The following RTEL1 variants were observed in gnomAD, a reference collection of about 807,000 sequenced individuals.
RTEL1 encodes the protein regulator of telomere elongation helicase 1, also known as regulator of telomere length.
A neutral mutation model predicts 162.2 loss-of-function variants in RTEL1; 86 were observed. The ratio of observed to expected loss-of-function variants is 0.53; its 90% CI spans 0.45 to 0.63. The LOEUF (loss-of-function observed/expected upper bound fraction) is 0.63. Ranked by LOEUF, RTEL1 falls within the 30% of genes least tolerant of loss-of-function variation. RTEL1 has a pLI of 0.00. For synonymous variants in RTEL1, 958 were observed against 717.9 expected, an observed-to-expected ratio of 1.33 and a Z score of -5.35; for missense variants, 1,941 against 1,750.2, an observed-to-expected ratio of 1.11 and a Z score of -1.95.
chr20:63,691,336 C>A (rs1443440159), intron 27 of RTEL1, among the ~76,000 whole-genome samples: 1 of 152,148 alleles, frequency 6.6e-6, no homozygotes, highest in Non-Finnish European at 1.5e-5. Context: ...GCCTTTTGCC[C>A]CAGAAGCCCA....
At chr20:63,693,534 A>ACCACCTCCACCTCCACCT in intron 30 of RTEL1, among the ~76,000 whole-genome samples, 1 of 10,160 alleles carries the variant, frequency 9.8e-5, no homozygotes, top group Non-Finnish European at 1.9e-4. Context: ...CACCTCCACC[A>ACCACCTCCACCTCCACCT]CCACCACCAC....
intron 30 of RTEL1, 53 bp from the exon 31 acceptor site, chr20:63,694,319 G>A: frequency 1.0e-6 from 1 of 966,170 alleles, no homozygotes; most frequent in Non-Finnish European, 1.6e-6. Context: ...CCCACCCCAG[G>A]GAACTTTCCA....
At chr20:63,685,630 C>T in intron 15 of RTEL1, 33 bp downstream of exon 15, 3 of 1,600,364 alleles carry the variant, frequency 1.9e-6, no homozygotes, top group Non-Finnish European at 1.7e-6. Flanking sequence ...AGGTGGAGGG[C>T]AGCCCTTGTT....
chr20:63,660,366 A>G (rs1257836590), intron 2 of RTEL1, among the ~76,000 whole-genome samples: 1 of 152,260 alleles, frequency 6.6e-6, no homozygotes, highest in Non-Finnish European at 1.5e-5. Flanking sequence ...TTTCCAGGGC[A>G]GAGGTCCCTG....
In RTEL1 at chr20:63,694,431, C is replaced by G. The variant is rs1326317498; in HGVS notation, c.3052C>G (p.Pro1018Ala). Residue 1018 changes from proline to alanine, a missense_variant, in exon 31 of 35, where the codon CCC becomes GCC. Pro to Ala is a conservative substitution (Grantham distance 27). Coordinates refer to ENST00000360203, the MANE Select transcript of RTEL1 (RefSeq NM_001283009.2). ...VSTAAAQQLD[P>A]QEHLNQGRPH... Reference sequence around the variant, plus strand: ...CACGGCTGCAGCCCAGCAGCTGGACCCCCAAGAGCACCTGAACCAGGGCAG... The same window carrying G: ...CACGGCTGCAGCCCAGCAGCTGGACGCCCAAGAGCACCTGAACCAGGGCAG... 1.2e-6 allele frequency: 2 copies of G among 1,612,324 alleles called. No homozygotes were observed. Among genetic ancestry groups the G allele is most frequent in the Non-Finnish European group, 1.7e-6 (2 of 1,179,606 alleles).
chr20:63,680,775 T>A, intron 14 of RTEL1, 56 bp downstream of exon 14: 1 of 1,604,512 alleles, frequency 6.2e-7, no homozygotes, highest in East Asian at 2.2e-5. Flanking sequence ...GGCGGGTGCC[T>A]TCTCCTGCTG....
In RTEL1 at chr20:63,667,533, A is replaced by G. The variant is rs1188469323; in HGVS notation, c.679A>G (p.Asn227Asp). Residue 227 changes from asparagine (N) to aspartate (D), a missense_variant, in exon 8 of 35, where the codon AAT (asparagine) becomes GAT (aspartate). Physicochemically the swap from Asn to Asp is conservative, Grantham distance 23 (BLOSUM62 1). Coordinates refer to ENST00000360203, the MANE Select transcript of RTEL1 (RefSeq NM_001283009.2). ...AGCCGACATCATATTCATGCCGTACAATTACTTGTTGGATGCCAAGGTGGG... is the reference window on the plus strand; with the variant it reads ...AGCCGACATCATATTCATGCCGTACGATTACTTGTTGGATGCCAAGGTGGG... ...QQADIIFMPY[N>D]YLLDAKSRRA... 3 of 1,613,720 alleles carry G rather than the reference A, an allele frequency of 1.9e-6. No individual in the cohort carries two copies. In the African/African-American group the frequency reaches 4.0e-5, roughly 22 times the overall value.
At chr20:63,673,283 A>ATATAGTCCCTGC (rs2146195703) in intron 9 of RTEL1, among the ~76,000 whole-genome samples, 1 of 147,518 alleles carries the variant, frequency 6.8e-6, no homozygotes, top group African/African-American at 2.5e-5. Flanking sequence ...AGTCCCAGCT[A>ATATAGTCCCTGC]CTCAGGAGGC....
intron 5 of RTEL1, 72 bp from the exon 6 acceptor site, chr20:63,662,757 G>A: frequency 1.9e-6 from 3 of 1,597,582 alleles, no homozygotes; most frequent in Non-Finnish European, 2.6e-6. Context: ...GGAGGACCTG[G>A]TGGGGGTGGG....
At chr20:63,683,660 C>A (rs894247968) in intron 14 of RTEL1, among the ~76,000 whole-genome samples, 1 of 152,202 alleles carries the variant, frequency 6.6e-6, no homozygotes. Flanking sequence ...AGCAGAACTC[C>A]CTCAAGTCTG....
At position 63,680,765 on chromosome 20, in the gene RTEL1, GGC is replaced by G. The variant is rs2090462702; in HGVS notation, c.1191+48_1191+49del. ...GCATCTCCTTCCCTGATGGAAGCCGGGCGGGTGCCTTCTCCTGCTGTATTAGT... is the reference window on the plus strand; with the variant it reads ...GCATCTCCTTCCCTGATGGAAGCCGGGGGTGCCTTCTCCTGCTGTATTAGT... On this transcript the variant is annotated intron_variant, in intron 14 of 34. Coordinates refer to ENST00000360203, the MANE Select transcript of RTEL1 (RefSeq NM_001283009.2). The G allele has an allele frequency of 2.5e-6, 4 of 1,610,132 alleles. No homozygotes were observed. The East Asian group carries it at 8.9e-5, about 36-fold the overall frequency.
rs2090965484 is a variant in RTEL1, at chr20:63,695,767, T to C, written c.3823-11T>C. ...CTGGCAGACGTGTGCAGTGGGCCGGTTGTCTCACAGGCCTCTAGGATGTGC... is the reference window on the plus strand; with the variant it reads ...CTGGCAGACGTGTGCAGTGGGCCGGCTGTCTCACAGGCCTCTAGGATGTGC... On this transcript the variant is annotated splice_polypyrimidine_tract_variant and intron_variant, in intron 34 of 34. Transcript: ENST00000360203. 6.3e-7 allele frequency: 1 copy of C among 1,589,646 alleles called. No homozygotes were observed. The highest frequency in any genetic ancestry group is 1.8e-5 in the Admixed American group (1 of 55,936).
intron 30 of RTEL1, among the ~76,000 whole-genome samples, chr20:63,693,636 ACCACCACCT>A (rs2090872091): frequency 6.1e-4 from 10 of 16,476 alleles, no homozygotes; most frequent in Admixed American, 1.3e-3. Flanking sequence ...CACCTCCACC[ACCACCACCT>A]CCACCTCCAC....
chr20:63,659,565 G>T, intron 2 of RTEL1, 61 bp downstream of exon 2: 3 of 1,283,270 alleles, frequency 2.3e-6, no homozygotes, highest in Non-Finnish European at 3.4e-6. Context: ...AGGACGGGGT[G>T]TGCTTCCCTC....
intron 21 of RTEL1, 126 bp from the exon 22 acceptor site, chr20:63,688,929 G>C: frequency 3.5e-6 from 3 of 854,324 alleles, no homozygotes; most frequent in African/African-American, 1.7e-5. Context: ...GAAGCTTCCA[G>C]AACCCGATTG....
chr20:63,694,999 A>T, intron 32 of RTEL1, 25 bp downstream of exon 32: 1 of 1,609,970 alleles, frequency 6.2e-7, no homozygotes, highest in Non-Finnish European at 8.5e-7. Context: ...CGTGGGGAAC[A>T]GCCGGTGGGG....
chr20:63,680,024 G>A lies in RTEL1; in HGVS notation c.1135+78G>A, dbSNP rs41309933. 69,229 of 1,000,692 alleles carry A rather than the reference G, an allele frequency of 0.069. 2,738 individuals carry two copies. Among genetic ancestry groups the A allele is most frequent in the Non-Finnish European group, 0.082 (55,080 of 675,356 alleles). 62.0% of individuals were successfully genotyped at this position (1,000,692 alleles called of 1,614,324 possible). On this transcript the variant is annotated intron_variant, in intron 13 of 34. Coordinates refer to ENST00000360203, the MANE Select transcript of RTEL1 (RefSeq NM_001283009.2). Reference sequence around the variant, plus strand: ...AGCAGGCCTCCATCTTGGCAGTCAGGGCTCCCCTGGCCGTCACCTGGCCGT... The same window carrying A: ...AGCAGGCCTCCATCTTGGCAGTCAGAGCTCCCCTGGCCGTCACCTGGCCGT...
At position 63,662,457 on chromosome 20, in the gene RTEL1, T is replaced by C. The variant is rs977715301; in HGVS notation, c.396-89T>C. On this transcript the variant is annotated intron_variant, in intron 4 of 34. Transcript: ENST00000360203. ...CACTTCCTCTGACCGCCGAGGCTCC[T>C]GCGTGTCTCCATACAGCTCACGCTG... The C allele has an allele frequency of 3.2e-6, 5 of 1,582,896 alleles. No individual in the cohort carries two copies. In the Admixed American group the frequency reaches 9.4e-5, roughly 30 times the overall value.
rs750342117 is a variant in RTEL1, at chr20:63,688,125, C to T, written c.1596-14C>T. 1 of 1,612,530 alleles carries T rather than the reference C, an allele frequency of 6.2e-7. No individual in the cohort carries two copies. Among genetic ancestry groups the T allele is most frequent in the Non-Finnish European group, 8.5e-7 (1 of 1,179,918 alleles). On this transcript the variant is annotated splice_polypyrimidine_tract_variant and intron_variant, in intron 18 of 34. Transcript: ENST00000360203. ...GAGGCCTGAGGTCCTGAGCAGTGGC[C>T]TCTCCGGCTCTAGGTTTTCCGAGGA...
Sources: gnomAD v4.1 joint callset for allele counts (sites outside exome capture counted in the v4.1 genomes callset) on GRCh38, gnomAD v4.1.1 for gene constraint, MANE v1.5 for transcripts, NCBI Gene and HGNC (gene_info 2026-07-23, HGNC 2026-07-21) for gene names.